TUBGCP5: variants seen among roughly 807,000 people sequenced by gnomAD.
TUBGCP5 encodes tubulin gamma complex component 5, also known as gamma-tubulin complex component 5.
A neutral mutation model predicts 134.7 loss-of-function variants in TUBGCP5; 98 were observed. The observed-to-expected ratio is 0.73, with a 90% CI of 0.62 to 0.86. The LOEUF (loss-of-function observed/expected upper bound fraction) is 0.86. TUBGCP5 is among the 40% of genes least tolerant of loss of function. TUBGCP5 has a pLI of 0.00. For missense variants in TUBGCP5, 1,150 were observed against 1,244.8 expected, an observed-to-expected ratio of 0.92 and a Z score of 1.15; for synonymous variants, 456 against 431.4, an observed-to-expected ratio of 1.06 and a Z score of -0.71.
intron 7 of TUBGCP5, among the ~76,000 whole-genome samples, 180 bp downstream of exon 7, chr15:23,027,012 G>C (rs564976492): frequency 6.6e-6 from 1 of 152,084 alleles, no homozygotes; most frequent in South Asian, 2.1e-4. Context: ...GCTGAGATCT[G>C]ACCACTGCAC....
At chr15:23,007,329 G>A (rs966778505) in intron 16 of TUBGCP5, among the ~76,000 whole-genome samples, 1 of 152,178 alleles carries the variant, frequency 6.6e-6, no homozygotes, top group Non-Finnish European at 1.5e-5. Context: ...GGCGGAGCTT[G>A]CAGTGAGTCG....
intron 3 of TUBGCP5, 105 bp from the exon 4 acceptor site, chr15:23,032,929 C>T: frequency 1.3e-6 from 1 of 793,632 alleles, no homozygotes; most frequent in South Asian, 2.9e-5. Flanking sequence ...AATTTTTTTC[C>T]TGGTTTGAGA....
Position 23,026,221 on chromosome 15 carries a change from C to T in TUBGCP5, c.738-16G>A. On this transcript the variant is annotated splice_polypyrimidine_tract_variant and intron_variant, in intron 7 of 22. Coordinates refer to ENST00000615383, the MANE Select transcript of TUBGCP5 (RefSeq NM_052903.6). ...GTGTTGGTCCCTATGAGACAGCAAA[C>T]ATAAATGTCAATAGAAAGGTTTCTA... 6.2e-7 allele frequency: 1 copy of T among 1,603,384 alleles called. No individual in the cohort carries two copies. Among genetic ancestry groups the T allele is most frequent in the South Asian group, 1.1e-5 (1 of 90,572 alleles).
chr15:22,993,334 G>A (rs1253153162), intron 23 of TUBGCP5, among the ~76,000 whole-genome samples: 5 of 150,812 alleles, frequency 3.3e-5, no homozygotes, highest in East Asian at 2.0e-4. Flanking sequence ...TCCTGACCTC[G>A]TGATTCGCCT....
Position 23,018,010 on chromosome 15 carries a change from A to G in TUBGCP5, c.1519T>C (p.Phe507Leu). The G allele has an allele frequency of 6.2e-7, 1 of 1,612,654 alleles. No homozygotes were observed. The highest frequency in any genetic ancestry group is 1.3e-5 in the African/African-American group (1 of 75,014). Residue 507 changes from phenylalanine (F) to leucine (L), a missense_variant, in exon 13 of 23, where the codon TTC becomes CTC. This residue lies in a region of TUBGCP5 where 697 missense variants were observed against 850.1 expected (regional missense o/e 0.82). Transcript: ENST00000615383. Reference protein sequence around the residue: ...NKNVPVNHRDFWYATYTLYSV... With the variant: ...NKNVPVNHRDLWYATYTLYSV... ...TATAACGTGTAAGTTGCATACCAGA[A>G]GTCTCTGTGATTAACTGGAACATTT...
At chr15:22,984,958 C>A (rs2063637028) in intron 23 of TUBGCP5, among the ~76,000 whole-genome samples, 1 of 152,054 alleles carries the variant, frequency 6.6e-6, no homozygotes, top group Admixed American at 6.6e-5. Flanking sequence ...TATTGCAAGA[C>A]AATACTGCAA....
chr15:22,991,975 C>T (rs559499093), intron 23 of TUBGCP5, among the ~76,000 whole-genome samples: 6 of 152,162 alleles, frequency 3.9e-5, no homozygotes, highest in East Asian at 3.9e-4. Context: ...CATTAGGTAC[C>T]GGACAGCAAA....
intron 20 of TUBGCP5, among the ~76,000 whole-genome samples, 169 bp from the exon 21 acceptor site, chr15:23,003,322 C>T (rs2064499607): frequency 6.6e-6 from 1 of 152,200 alleles, no homozygotes; most frequent in South Asian, 2.1e-4. Flanking sequence ...TGGGACCAGG[C>T]ACATGCATTC....
chr15:23,011,459 T>TAA (rs1351836542), intron 13 of TUBGCP5, 128 bp from the exon 14 acceptor site: 1 of 258,230 alleles, frequency 3.9e-6, no homozygotes, highest in Non-Finnish European at 7.2e-6. Flanking sequence ...ATATAAATAT[T>TAA]AAATATATGT....
At chr15:23,020,745 T>C (rs1461130201) in intron 11 of TUBGCP5, among the ~76,000 whole-genome samples, 2 of 152,190 alleles carry the variant, frequency 1.3e-5, no homozygotes, top group African/African-American at 2.4e-5. Flanking sequence ...TTTTTAAATC[T>C]ATATATTGTT....
rs760999196 is a variant in TUBGCP5, at chr15:23,019,241, C to A, written c.1465G>T (p.Ala489Ser). The change falls in exon 12 of 23, where the codon GCC (alanine) becomes TCC (serine). Residue 489 changes from alanine to serine, a missense_variant. Around this residue, in one of 2 missense-constraint regions of TUBGCP5, gnomAD observed 697 missense variants for 850.1 expected, o/e 0.82. Transcript: ENST00000615383. ...WIVHGHLWDG[A>S]REFIIQRNKN... ...CACCTCTGGATGATGAACTCCCTGG[C>A]GCCATCCCACAGGTGCCCGTGCACG... The A allele has an allele frequency of 1.2e-6, 2 of 1,613,662 alleles. No individual in the cohort carries two copies. The highest frequency in any genetic ancestry group is 1.1e-5 in the South Asian group (1 of 90,978).
intron 21 of TUBGCP5, among the ~76,000 whole-genome samples, chr15:23,001,518 T>C (rs761367954): frequency 5.3e-5 from 8 of 151,570 alleles, no homozygotes; most frequent in Non-Finnish European, 7.4e-5. Context: ...TAATTTTGTA[T>C]TTTTAGTAGA....
chr15:23,006,678 G>A (rs1419997907), intron 16 of TUBGCP5, among the ~76,000 whole-genome samples: 1 of 152,150 alleles, frequency 6.6e-6, no homozygotes, highest in East Asian at 1.9e-4. Flanking sequence ...CTCTGCTGAG[G>A]TTGGGGGTGG....
chr15:22,987,494 T>C (rs1555430548), intron 23 of TUBGCP5, among the ~76,000 whole-genome samples: 2 of 152,048 alleles, frequency 1.3e-5, no homozygotes, highest in Non-Finnish European at 2.9e-5. Context: ...GTTACTACTA[T>C]GTTGAAACCC....
At chr15:23,010,795 A>T (rs2064992227) in intron 14 of TUBGCP5, among the ~76,000 whole-genome samples, 1 of 152,080 alleles carries the variant, frequency 6.6e-6, no homozygotes, top group Non-Finnish European at 1.5e-5. Context: ...CCTGGCCAAC[A>T]GGAGGAAACC....
chr15:23,031,892 T>C, intron 5 of TUBGCP5, 58 bp downstream of exon 5: 1 of 1,376,136 alleles, frequency 7.3e-7, no homozygotes, highest in Non-Finnish European at 1.0e-6. Context: ...CCCATGAAAA[T>C]CATCTATATC....
Position 22,999,430 on chromosome 15 carries a change from T to C in TUBGCP5, c.*390A>G, listed in dbSNP as rs997869834. Reference sequence around the variant, plus strand: ...AAGTGGTTCTTTCTGAGTCAGGGTCTCACTCTGTCACCCAGGTTGCACTGC... The same window carrying C: ...AAGTGGTTCTTTCTGAGTCAGGGTCCCACTCTGTCACCCAGGTTGCACTGC... On this transcript the variant is annotated 3_prime_UTR_variant, in exon 23 of 23. Coordinates refer to ENST00000615383, the MANE Select transcript of TUBGCP5 (RefSeq NM_052903.6). 2.5e-5 allele frequency: 6 copies of C among 239,390 alleles called. No homozygotes were observed. The highest frequency in any genetic ancestry group is 1.3e-4 in the African/African-American group (6 of 45,306). The allele number at this position is 239,390 out of a possible 1,614,324, so 14.8% of individuals were successfully genotyped here. A position where few individuals can be genotyped will look rare whatever the true frequency, so the allele number is the denominator to read the frequency against.
At chr15:23,022,945 T>C (rs1331963801) in intron 10 of TUBGCP5, 1 of 152,214 alleles carries the variant, frequency 6.6e-6, no homozygotes, top group African/African-American at 2.4e-5. Context: ...TGGCAAGAAG[T>C]GTGAGGAAAC....
At chr15:22,989,655 G>A (rs74697499) in intron 23 of TUBGCP5, among the ~76,000 whole-genome samples, 8,976 of 152,210 alleles carry the variant, frequency 0.059, 303 homozygotes, top group African/African-American at 0.087. Context: ...GGGATTACAG[G>A]TGCAAGTCAT....
Sources: gnomAD v4.1 joint callset for allele counts (sites outside exome capture counted in the v4.1 genomes callset) on GRCh38, gnomAD v4.1.1 for gene constraint, gnomAD v4.1.1 regional missense constraint, MANE v1.5 for transcripts, NCBI Gene and HGNC (gene_info 2026-07-23, HGNC 2026-07-21) for gene names.